The following PCMTD1 variants were observed in gnomAD, a reference collection of about 807,000 sequenced individuals.
PCMTD1 encodes the protein protein-L-isoaspartate (D-aspartate) O-methyltransferase domain containing 1.
Under a neutral mutation model 37.6 loss-of-function variants are expected in PCMTD1, and 12 were observed. The ratio of observed to expected loss-of-function variants is 0.32; its 90% CI spans 0.20 to 0.52. The LOEUF (loss-of-function observed/expected upper bound fraction) is 0.52, where lower values mean the gene tolerates loss of function less well. PCMTD1 is among the 20% of genes least tolerant of loss of function. The probability of loss-of-function intolerance (pLI) is 0.97; values close to 1 mark genes in which losing one functional copy is unlikely to be tolerated. For synonymous variants in PCMTD1, 117 were observed against 135.8 expected (o/e 0.86, Z 0.96); for missense variants, 235 against 421.3 (o/e 0.56, Z 3.87).
chr8:51,852,734 ACCT>A (rs2038326137), intron 2 of PCMTD1, among the ~76,000 whole-genome samples: 1 of 152,166 alleles, frequency 6.6e-6, no homozygotes, highest in Non-Finnish European at 1.5e-5. Flanking sequence ...TGATTATGTT[ACCT>A]ACTCCAGAAA....
rs1371160694 is a variant in PCMTD1, at chr8:51,878,247, T to TTTG, written c.-95-17002_-95-17001insCAA. 6.5e-5 allele frequency among the ~76,000 whole-genome samples: 5 copies of TTTG among 76,818 alleles called. No homozygotes were observed. In the South Asian group the frequency reaches 2.9e-3, roughly 44 times the overall value. 50.4% of individuals were successfully genotyped at this position (76,818 alleles called of 152,430 possible). On this transcript the variant is annotated intron_variant, in intron 1 of 5. Coordinates refer to ENST00000522514, the MANE Select transcript of PCMTD1 (RefSeq NM_052937.4). The stretch of plus-strand genomic sequence containing the variant: ...CTTAAAATATTATGAGATTTTTTTT[T>TTTG]TGGTTTTTTTTTTTTTTTAGCTCAT...
intron 1 of PCMTD1, among the ~76,000 whole-genome samples, chr8:51,862,053 G>A (rs2038479049): frequency 1.3e-5 from 2 of 151,502 alleles, no homozygotes; most frequent in South Asian, 4.1e-4. Context: ...CTTCTTTATA[G>A]TACAGTATAG....
At chr8:51,870,879 G>A (rs1352700921) in intron 1 of PCMTD1, among the ~76,000 whole-genome samples, 1 of 152,130 alleles carries the variant, frequency 6.6e-6, no homozygotes, top group Non-Finnish European at 1.5e-5. Flanking sequence ...GCAGCAGGGG[G>A]CGGGCCGGGG....
intron 2 of PCMTD1, among the ~76,000 whole-genome samples, chr8:51,855,769 C>T (rs1372539104): frequency 6.6e-6 from 1 of 151,924 alleles, no homozygotes; most frequent in Non-Finnish European, 1.5e-5. Context: ...CACCATTCTC[C>T]TGCCCTCAGC....
intron 1 of PCMTD1, among the ~76,000 whole-genome samples, chr8:51,867,631 G>A (rs1288586709): frequency 6.6e-6 from 1 of 151,546 alleles, no homozygotes; most frequent in Non-Finnish European, 1.5e-5. Flanking sequence ...TAAAAGAAGG[G>A]TAATTCTGTC....
chr8:51,878,230 A>G (rs963750677), intron 1 of PCMTD1, among the ~76,000 whole-genome samples: 9 of 145,128 alleles, frequency 6.2e-5, no homozygotes, highest in Admixed American at 2.2e-4. Flanking sequence ...TTCTTAAAAT[A>G]TTATGAGATT....
At chr8:51,889,099 GTTGTTA>G (rs1413564439) in intron 1 of PCMTD1, among the ~76,000 whole-genome samples, 3 of 152,096 alleles carry the variant, frequency 2.0e-5, no homozygotes, top group African/African-American at 7.2e-5. Flanking sequence ...TAGGCCTTTT[GTTGTTA>G]TTGTTAACTC....
intron 1 of PCMTD1, among the ~76,000 whole-genome samples, chr8:51,865,018 A>G (rs1460253765): frequency 6.6e-6 from 1 of 152,144 alleles, no homozygotes; most frequent in African/African-American, 2.4e-5. Flanking sequence ...AACTCAGAAG[A>G]TATCACAGAA....
chr8:51,867,907 G>T (rs2038581377), intron 1 of PCMTD1, among the ~76,000 whole-genome samples: 1 of 152,086 alleles, frequency 6.6e-6, no homozygotes, highest in South Asian at 2.1e-4. Flanking sequence ...TTACAGAATG[G>T]TGACTATAAT....
chr8:51,844,721 T>G (rs933706593), intron 3 of PCMTD1: 1 of 152,208 alleles, frequency 6.6e-6, no homozygotes, highest in Non-Finnish European at 1.5e-5. Flanking sequence ...GCTTCTTCTC[T>G]CTGGTGGTGT....
intron 2 of PCMTD1, among the ~76,000 whole-genome samples, chr8:51,852,543 T>C (rs764847016): frequency 6.6e-6 from 1 of 152,324 alleles, no homozygotes; most frequent in Middle Eastern, 3.4e-3. Flanking sequence ...CTAAATTTGC[T>C]TCTGACTCCA....
chr8:51,890,528 G>C (rs1386982423), intron 1 of PCMTD1, among the ~76,000 whole-genome samples: 2 of 152,264 alleles, frequency 1.3e-5, no homozygotes, highest in East Asian at 3.9e-4. Context: ...AGACTGTTTT[G>C]CATTTGCTTT....
intron 1 of PCMTD1, chr8:51,896,396 T>A (rs550842808): frequency 6.6e-6 from 1 of 152,340 alleles, no homozygotes; most frequent in Non-Finnish European, 1.5e-5. Flanking sequence ...AAGTAAATTT[T>A]AATCCTTTTA....
chr8:51,847,920 A>G (rs1275098427), intron 2 of PCMTD1, among the ~76,000 whole-genome samples: 1 of 65,328 alleles, frequency 1.5e-5, no homozygotes, highest in African/African-American at 2.6e-5. Flanking sequence ...TCTACAATAA[A>G]CTAAAAAAAA....
intron 1 of PCMTD1, among the ~76,000 whole-genome samples, chr8:51,871,905 CT>C (rs2038644877): frequency 6.6e-6 from 1 of 152,168 alleles, no homozygotes; most frequent in South Asian, 2.1e-4. Context: ...AAAAGAAGCT[CT>C]CTTGGAAACA....
intron 3 of PCMTD1, among the ~76,000 whole-genome samples, chr8:51,841,875 G>A (rs533463781): frequency 1.1e-3 from 170 of 152,280 alleles, no homozygotes; most frequent in Middle Eastern, 0.01. Flanking sequence ...ACTACAGCTC[G>A]TAAACAGAGT....
intron 2 of PCMTD1, among the ~76,000 whole-genome samples, chr8:51,847,973 C>A (rs1177608047): frequency 6.6e-6 from 1 of 151,830 alleles, no homozygotes; most frequent in African/African-American, 2.4e-5. Flanking sequence ...CCCAGCTACT[C>A]GAGAGGCTGA....
intron 1 of PCMTD1, among the ~76,000 whole-genome samples, chr8:51,875,237 G>A (rs2038694459): frequency 6.6e-6 from 1 of 152,132 alleles, no homozygotes; most frequent in African/African-American, 2.4e-5. Flanking sequence ...ACCAAAAAGT[G>A]AAGCACTATA....
At chr8:51,836,019 C>T (rs1563339407) in intron 3 of PCMTD1, among the ~76,000 whole-genome samples, 5 of 152,188 alleles carry the variant, frequency 3.3e-5, no homozygotes, top group Admixed American at 2.6e-4. Flanking sequence ...TGTGCAATGA[C>T]TGAGAATACA....
Sources: allele counts gnomAD v4.1 joint callset (sites outside exome capture counted in the v4.1 genomes callset), GRCh38; gene constraint gnomAD v4.1.1; transcripts MANE v1.5; gene names NCBI Gene and HGNC (gene_info 2026-07-23, HGNC 2026-07-21).